The following LSAMP variants were observed in gnomAD, a reference collection of about 807,000 sequenced individuals.
LSAMP encodes limbic system associated membrane protein.
Under a neutral mutation model 38.6 loss-of-function variants are expected in LSAMP, and 7 were observed. The ratio of observed to expected loss-of-function variants is 0.18; its 90% CI spans 0.10 to 0.34. LSAMP has a LOEUF of 0.34. Among genes scored for constraint, LSAMP ranks in the 10% least tolerant of loss-of-function variants. LSAMP has a pLI of 1.00. For synonymous variants in LSAMP, 154 were observed against 166.8 expected (o/e 0.92, Z 0.59); for missense variants, 313 against 420.0 (o/e 0.75, Z 2.23).
intron 1 of LSAMP, among the ~76,000 whole-genome samples, chr3:116,121,682 A>G (rs1351177240): frequency 1.3e-5 from 2 of 152,106 alleles, no homozygotes; most frequent in Admixed American, 1.3e-4. Flanking sequence ...GAGATGACAA[A>G]ATTGGAGCAC....
intron 1 of LSAMP, among the ~76,000 whole-genome samples, chr3:116,197,161 A>ACACT (rs1553712540): frequency 8.0e-5 from 12 of 150,128 alleles, no homozygotes; most frequent in African/African-American, 3.0e-4. Context: ...ACACACACAC[A>ACACT]CACTCTCTCT....
At chr3:116,163,810 T>G (rs1360772134) in intron 1 of LSAMP, among the ~76,000 whole-genome samples, 2 of 152,198 alleles carry the variant, frequency 1.3e-5, no homozygotes, top group Non-Finnish European at 2.9e-5. Flanking sequence ...TTTTTCATAT[T>G]CATTCTCATG....
intron 1 of LSAMP, among the ~76,000 whole-genome samples, chr3:116,252,198 T>C (rs549432491): frequency 6.6e-6 from 1 of 152,290 alleles, no homozygotes; most frequent in African/African-American, 2.4e-5. Flanking sequence ...GTGCACCTAG[T>C]CCATAAGCAC....
At chr3:116,236,478 T>C (rs987465424) in intron 1 of LSAMP, among the ~76,000 whole-genome samples, 5 of 152,156 alleles carry the variant, frequency 3.3e-5, no homozygotes, top group Admixed American at 3.3e-4. Flanking sequence ...CCCCTTCATC[T>C]GACCTTCATC....
chr3:115,965,410 A>C (rs934843243), intron 3 of LSAMP, among the ~76,000 whole-genome samples: 1 of 152,094 alleles, frequency 6.6e-6, no homozygotes, highest in East Asian at 1.9e-4. Context: ...AAAAAATCAA[A>C]ACTTTTAGAA....
intron 1 of LSAMP, among the ~76,000 whole-genome samples, chr3:116,272,356 C>A (rs2046985511): frequency 6.6e-6 from 1 of 152,104 alleles, no homozygotes; most frequent in African/African-American, 2.4e-5. Context: ...AGTTGGTGTT[C>A]TGTCACTGGG....
At chr3:116,043,020 G>C (rs1279971322) in intron 2 of LSAMP, among the ~76,000 whole-genome samples, 2 of 151,956 alleles carry the variant, frequency 1.3e-5, no homozygotes, top group Non-Finnish European at 2.9e-5. Flanking sequence ...TTGAAATTTT[G>C]GGCTAGATAA....
intron 3 of LSAMP, among the ~76,000 whole-genome samples, chr3:115,874,233 C>T (rs1476818568): frequency 6.6e-6 from 1 of 152,050 alleles, no homozygotes; most frequent in Admixed American, 6.6e-5. Flanking sequence ...AAAGACATTC[C>T]TTTCTCTTTC....
At chr3:115,829,567 T>G (rs902585154) in intron 6 of LSAMP, among the ~76,000 whole-genome samples, 1 of 152,194 alleles carries the variant, frequency 6.6e-6, no homozygotes, top group African/African-American at 2.4e-5. Flanking sequence ...GGACATACTT[T>G]ATACCCTTGA....
At chr3:116,434,901 T>C (rs2049328227) in intron 1 of LSAMP, among the ~76,000 whole-genome samples, 1 of 152,162 alleles carries the variant, frequency 6.6e-6, no homozygotes, top group East Asian at 1.9e-4. Context: ...GTGACATTTT[T>C]AGATGAATAC....
chr3:116,035,974 C>T (rs1226774072), intron 2 of LSAMP, among the ~76,000 whole-genome samples: 1 of 152,162 alleles, frequency 6.6e-6, no homozygotes, highest in Non-Finnish European at 1.5e-5. Flanking sequence ...AATAAAAGCC[C>T]CTTCTTACCT....
chr3:116,061,522 G>T (rs1941594661), intron 2 of LSAMP, among the ~76,000 whole-genome samples: 1 of 152,002 alleles, frequency 6.6e-6, no homozygotes, highest in African/African-American at 2.4e-5. Context: ...CTTCCTTCAG[G>T]TCTTTACTCA....
chr3:116,254,673 C>A (rs555325142), intron 1 of LSAMP, among the ~76,000 whole-genome samples: 1 of 152,186 alleles, frequency 6.6e-6, no homozygotes, highest in Non-Finnish European at 1.5e-5. Context: ...AGCCAACTTT[C>A]GCCTATGGCT....
intron 1 of LSAMP, among the ~76,000 whole-genome samples, chr3:116,270,950 T>A (rs1257993445): frequency 3.3e-5 from 5 of 152,122 alleles, no homozygotes; most frequent in African/African-American, 1.2e-4. Flanking sequence ...TTTCAATTAC[T>A]TCGTATGTAA....
chr3:115,966,088 C>T (rs573155272), intron 3 of LSAMP, among the ~76,000 whole-genome samples: 210 of 152,224 alleles, frequency 1.4e-3, no homozygotes, highest in African/African-American at 4.8e-3. Flanking sequence ...AACCATATGG[C>T]CATGTAAATT....
At chr3:115,945,165 A>G (rs1938054074) in intron 3 of LSAMP, among the ~76,000 whole-genome samples, 1 of 152,148 alleles carries the variant, frequency 6.6e-6, no homozygotes. Context: ...ATTACGGCTC[A>G]CATACCTTCC....
chr3:115,814,459 T>C (rs904623714), intron 6 of LSAMP, among the ~76,000 whole-genome samples: 2 of 152,332 alleles, frequency 1.3e-5, no homozygotes, highest in East Asian at 1.9e-4. Flanking sequence ...CTGGAGCCAA[T>C]TGATTTGTTT....
At chr3:116,410,451 T>C (rs2048957389) in intron 1 of LSAMP, among the ~76,000 whole-genome samples, 1 of 151,924 alleles carries the variant, frequency 6.6e-6, no homozygotes. Flanking sequence ...TAAAAGCAAC[T>C]GCTAGTTTTA....
At chr3:116,310,431 T>C (rs2107716244) in intron 1 of LSAMP, among the ~76,000 whole-genome samples, 1 of 152,290 alleles carries the variant, frequency 6.6e-6, no homozygotes, top group East Asian at 1.9e-4. Flanking sequence ...CTCAATTTGG[T>C]GTATGAGTGA....
Sources: allele counts gnomAD v4.1 joint callset (sites outside exome capture counted in the v4.1 genomes callset), GRCh38; gene constraint gnomAD v4.1.1; transcripts MANE v1.5; gene names NCBI Gene and HGNC (gene_info 2026-07-23, HGNC 2026-07-21).